Variants in SHANK2 observed in about 807,000 individuals in gnomAD.
SHANK2 encodes the protein SH3 and multiple ankyrin repeat domains 2, also known as SH3 and multiple ankyrin repeat domains protein 2.
Under a neutral mutation model 133.7 loss-of-function variants are expected in SHANK2, and 43 were observed. The ratio of observed to expected loss-of-function variants is 0.32; its 90% CI spans 0.25 to 0.41. The LOEUF is 0.41. SHANK2 is among the 10% of genes least tolerant of loss of function. The pLI is 1.00. For synonymous variants in SHANK2, 1,017 were observed against 952.8 expected, an observed-to-expected ratio of 1.07 and a Z score of -1.24; for missense variants, 1,994 against 2,235.8, an observed-to-expected ratio of 0.89 and a Z score of 2.18.
intron 25 of SHANK2, among the ~76,000 whole-genome samples, chr11:70,475,662 C>G (rs1280161758): frequency 1.3e-5 from 2 of 152,186 alleles, no homozygotes; most frequent in African/African-American, 4.8e-5. Context: ...GGCTTCAATC[C>G]TACTGTGAGA....
intron 9 of SHANK2, among the ~76,000 whole-genome samples, chr11:71,072,267 G>A (rs1044766274): frequency 2.9e-4 from 42 of 144,948 alleles, no homozygotes; most frequent in African/African-American, 9.1e-4. Flanking sequence ...TGGCTTCCCC[G>A]CTCCTACAGG....
At chr11:70,589,205 A>G (rs2060291130) in intron 17 of SHANK2, among the ~76,000 whole-genome samples, 1 of 152,164 alleles carries the variant, frequency 6.6e-6, no homozygotes, top group Non-Finnish European at 1.5e-5. Context: ...GATTCAAAGG[A>G]CAGGCTGACT....
At chr11:70,563,930 G>C (rs1565133592) in intron 17 of SHANK2, among the ~76,000 whole-genome samples, 1 of 152,152 alleles carries the variant, frequency 6.6e-6, no homozygotes, top group Non-Finnish European at 1.5e-5. Context: ...GAATAATTCT[G>C]TTTTTTCTTC....
intron 17 of SHANK2, among the ~76,000 whole-genome samples, chr11:70,526,553 T>C (rs781871869): frequency 5.3e-5 from 8 of 152,190 alleles, no homozygotes; most frequent in Non-Finnish European, 7.3e-5. Context: ...CCTGTGTGAA[T>C]ACTCATGGCT....
intron 17 of SHANK2, chr11:70,631,640 GC>G (rs1326440440): frequency 1.3e-5 from 2 of 152,430 alleles, no homozygotes; most frequent in Non-Finnish European, 2.9e-5. Flanking sequence ...AGGTGCCCCC[GC>G]AGTGGGGGAT....
chr11:70,775,605 T>C (rs1185962154), intron 14 of SHANK2, among the ~76,000 whole-genome samples: 2 of 152,210 alleles, frequency 1.3e-5, no homozygotes, highest in East Asian at 3.9e-4. Context: ...CCATGTCCTC[T>C]TGGCTTCCTG....
chr11:70,554,419 C>T (rs2059804614), intron 17 of SHANK2, among the ~76,000 whole-genome samples: 3 of 152,320 alleles, frequency 2.0e-5, no homozygotes, highest in Admixed American at 6.5e-5. Context: ...ATCCTGGATT[C>T]CACCATGAGT....
chr11:70,894,688 A>G (rs75271123), intron 11 of SHANK2, among the ~76,000 whole-genome samples: 2,133 of 152,214 alleles, frequency 0.014, 49 homozygotes, highest in African/African-American at 0.048. Flanking sequence ...GGGTAGCCCA[A>G]TGGGGTAGCC....
intron 9 of SHANK2, among the ~76,000 whole-genome samples, chr11:71,068,823 C>A (rs1951102183): frequency 1.3e-5 from 2 of 152,102 alleles, no homozygotes; most frequent in South Asian, 4.1e-4. Context: ...CCATGCTCAC[C>A]ACCATCATCA....
chr11:70,805,244 C>T (rs930564965), intron 13 of SHANK2, among the ~76,000 whole-genome samples: 1 of 152,212 alleles, frequency 6.6e-6, no homozygotes, highest in African/African-American at 2.4e-5. Context: ...CCTCCGACCC[C>T]TGAGCCCCAG....
intron 1 of SHANK2, among the ~76,000 whole-genome samples, chr11:71,229,315 A>G (rs1193743671): frequency 2.0e-5 from 3 of 152,234 alleles, no homozygotes; most frequent in Admixed American, 6.5e-5. Flanking sequence ...GAAAAATCAC[A>G]AAGAAACAAC....
rs573074048 is a variant in SHANK2 at position 70,503,215 on chromosome 11, A to G, written c.2062-284T>C. On this transcript the variant is annotated intron_variant, in intron 17 of 25. Coordinates refer to ENST00000601538, the MANE Select transcript of SHANK2 (RefSeq NM_012309.5). ...AGTCCTCCACAGCTGCTGCAGAGGAAGGGCTGATTTCTATTTAACCTGAGC... is the reference window on the plus strand; with the variant it reads ...AGTCCTCCACAGCTGCTGCAGAGGAGGGGCTGATTTCTATTTAACCTGAGC... Among the ~76,000 whole-genome samples the G allele has an allele frequency of 4.6e-5, 7 of 152,214 alleles. No individual in the cohort carries two copies. The South Asian group carries it at 1.2e-3, about 27-fold the overall frequency.
At chr11:71,164,785 G>A (rs1953104392) in intron 2 of SHANK2, among the ~76,000 whole-genome samples, 1 of 152,130 alleles carries the variant, frequency 6.6e-6, no homozygotes, top group South Asian at 2.1e-4. Context: ...TCCATCAAAC[G>A]CCGGCCTCAG....
In SHANK2 at chr11:71,252,391, G is replaced by T. The variant is rs1472155526; in HGVS notation, c.-113+34C>A. On this transcript the variant is annotated intron_variant, in intron 1 of 25. Coordinates refer to ENST00000601538, the MANE Select transcript of SHANK2 (RefSeq NM_012309.5). The surrounding 1 kb of genome is among the most constrained non-coding windows in gnomAD (Gnocchi z 6.3). ...CCAAGGGCCACCTCCCGTCCTCCCC[G>T]GCCCGCGCCCTGCGTCCCCGGCCGC... 2.0e-5 allele frequency: 3 copies of T among 152,060 alleles called. No individual in the cohort carries two copies. The highest frequency in any genetic ancestry group is 4.4e-5 in the Non-Finnish European group (3 of 68,052). The allele number at this position is 152,060 out of a possible 1,614,324, so 9.4% of individuals were successfully genotyped here. A position where few individuals can be genotyped will look rare whatever the true frequency, so the allele number is the denominator to read the frequency against.
intron 17 of SHANK2, among the ~76,000 whole-genome samples, chr11:70,649,775 T>G (rs1166024048): frequency 6.6e-6 from 1 of 152,246 alleles, no homozygotes; most frequent in East Asian, 1.9e-4. Flanking sequence ...AGCCTGGGGC[T>G]GGGTGTACAG....
In SHANK2 at chr11:71,137,920, G is replaced by A. The variant is rs527452081; in HGVS notation, c.207+9200C>T. Among the ~76,000 whole-genome samples the A allele has an allele frequency of 9.9e-5, 15 of 151,958 alleles. No homozygotes were observed. The South Asian group carries it at 2.5e-3, about 25-fold the overall frequency. On this transcript the variant is annotated intron_variant, in intron 3 of 25. Transcript: ENST00000601538. ...AAAGCATCGAAACGCAGCTTCTAAC[G>A]GTAACGAACCACCCCTGCACCAGCC... is the stretch of plus-strand genomic sequence containing the variant.
At chr11:70,512,233 C>T in intron 17 of SHANK2, among the ~76,000 whole-genome samples, 1 of 152,172 alleles carries the variant, frequency 6.6e-6, no homozygotes, top group East Asian at 1.9e-4. Flanking sequence ...AATCTCCACC[C>T]CCAAGCGTGA....
intron 17 of SHANK2, among the ~76,000 whole-genome samples, chr11:70,542,193 C>T (rs1450073593): frequency 1.3e-5 from 2 of 152,182 alleles, no homozygotes; most frequent in Admixed American, 6.5e-5. Context: ...CCAATGTGAC[C>T]TTATTTGGAA....
chr11:70,659,077 A>C (rs959312414), intron 17 of SHANK2, among the ~76,000 whole-genome samples: 2 of 152,168 alleles, frequency 1.3e-5, no homozygotes, highest in Non-Finnish European at 2.9e-5. Flanking sequence ...ATTAAAACTG[A>C]ACACCTAAAC....
Sources: allele counts gnomAD v4.1 joint callset (sites outside exome capture counted in the v4.1 genomes callset), GRCh38; gene constraint gnomAD v4.1.1; non-coding constraint Gnocchi (gnomAD v3.1); transcripts MANE v1.5; gene names NCBI Gene and HGNC (gene_info 2026-07-23, HGNC 2026-07-21).